STEAP3: variants seen among roughly 807,000 people sequenced by gnomAD.
The protein encoded by STEAP3 is metalloreductase STEAP3.
A neutral mutation model predicts 34.9 loss-of-function variants in STEAP3; 35 were observed. The observed-to-expected ratio is 1.00, with a 90% confidence interval of 0.76 to 1.33. The LOEUF (loss-of-function observed/expected upper bound fraction) is 1.33. Among genes scored for constraint, STEAP3 ranks in the 40% most tolerant of loss-of-function variants. The pLI, the probability that STEAP3 is intolerant of heterozygous loss-of-function variation, is 0.00. For synonymous variants in STEAP3, 281 were observed against 301.6 expected (o/e 0.93, Z 0.71); for missense variants, 652 against 667.6 (o/e 0.98, Z 0.26).
rs1676902625 is a variant in STEAP3 at position 119,230,770 on chromosome 2, G to A, written c.-243G>A. On this transcript the variant is annotated 5_prime_UTR_variant, in exon 2 of 6. It adds an upstream start codon to the 5' untranslated region. Transcript: ENST00000393110. ...AGCAGGCCAGAGCTGCGCTCTCTCAGTGCACTCTCCAACCAAGCATCAGTC... is the reference window on the plus strand; with the variant it reads ...AGCAGGCCAGAGCTGCGCTCTCTCAATGCACTCTCCAACCAAGCATCAGTC... 1.7e-6 allele frequency: 1 copy of A among 601,366 alleles called. No homozygotes were observed. Among genetic ancestry groups the A allele is most frequent in the Non-Finnish European group, 3.0e-6 (1 of 333,056 alleles). 37.3% of individuals were successfully genotyped at this position (601,366 alleles called of 1,614,324 possible).
At chr2:119,236,416 T>C (rs1677095535) in intron 2 of STEAP3, among the ~76,000 whole-genome samples, 1 of 152,176 alleles carries the variant, frequency 6.6e-6, no homozygotes, top group South Asian at 2.1e-4. Context: ...TCCATCCCTC[T>C]GCTGGGCCCT....
At position 119,263,273 on chromosome 2, in the gene STEAP3, G is replaced by A. The variant is rs755463675; in HGVS notation, c.1432G>A (p.Glu478Lys). The change falls in exon 6 of 6, where the codon GAG becomes AAG. Residue 478 changes from glutamate (E) to lysine (K), a missense_variant. Glu to Lys is a moderately conservative substitution (Grantham distance 56). Coordinates refer to ENST00000393110, the MANE Select transcript of STEAP3 (RefSeq NM_182915.3). ...LARIRRGWER[E>K]STIKFTLPTD... is the part of the protein sequence containing the mutation. ...CAGGATCCGGAGAGGCTGGGAGAGG[G>A]AGAGCACCATCAAGTTCACGCTGCC... The A allele has an allele frequency of 5.6e-6, 9 of 1,613,960 alleles. No individual in the cohort carries two copies. Among genetic ancestry groups the A allele is most frequent in the Non-Finnish European group, 7.6e-6 (9 of 1,180,034 alleles).
At position 119,254,843 on chromosome 2, in the gene STEAP3, G is replaced by A. The variant is rs140739840; in HGVS notation, c.1210G>A (p.Val404Ile). 2.4e-4 allele frequency: 380 copies of A among 1,613,896 alleles called. 3 individuals carry two copies. The highest frequency in any genetic ancestry group is 1.4e-3 in the South Asian group (130 of 91,004). Residue 404 changes from valine (V) to isoleucine (I), a missense_variant, in exon 5 of 6, where the codon GTT becomes ATT. Physicochemically the swap from Val to Ile is conservative, Grantham distance 29. Transcript: ENST00000393110. ...GCTCAACTGGAGGGAGTTCAGCTTC[G>A]TTCAGGTAAAGTAGTCTCTAGTCTG... Reference protein sequence around the residue: ...NSLNWREFSFVQSSLGFVALV... With the variant: ...NSLNWREFSFIQSSLGFVALV...
Position 119,254,411 on chromosome 2 carries a change from C to T in STEAP3, c.1051-273C>T, listed in dbSNP as rs536183513. On this transcript the variant is annotated intron_variant, in intron 4 of 5. Transcript: ENST00000393110. ...TGAGTGGGTCCTGATCCCAGCTCTG[C>T]ATCTGTTAGCTACATGTGACCTTGG... Among the ~76,000 whole-genome samples, 84 of 152,244 alleles carry T rather than the reference C, an allele frequency of 5.5e-4. 1 individual carries two copies. In the Middle Eastern group the frequency reaches 0.014, roughly 25 times the overall value.
intron 4 of STEAP3, 52 bp from the exon 5 acceptor site, chr2:119,254,632 G>A (rs762319366): frequency 3.2e-5 from 51 of 1,605,172 alleles, no homozygotes; most frequent in Non-Finnish European, 4.0e-5. Flanking sequence ...TTGCCCTCCC[G>A]GGGCACCAGC....
chr2:119,251,981 A>T (rs1677640661), intron 4 of STEAP3, among the ~76,000 whole-genome samples: 1 of 152,182 alleles, frequency 6.6e-6, no homozygotes, highest in Non-Finnish European at 1.5e-5. Flanking sequence ...TCAGAGGTCC[A>T]TGACTGGGTC....
At position 119,230,919 on chromosome 2, in the gene STEAP3, G is replaced by T; in HGVS notation, c.-94G>T. 2 of 1,558,956 alleles carry T rather than the reference G, an allele frequency of 1.3e-6. No individual in the cohort carries two copies. Among genetic ancestry groups the T allele is most frequent in the Non-Finnish European group, 1.8e-6 (2 of 1,130,246 alleles). On this transcript the variant is annotated 5_prime_UTR_variant, in exon 2 of 6. Coordinates refer to ENST00000393110, the MANE Select transcript of STEAP3 (RefSeq NM_182915.3). ...AACCGAGAGTCAGAACCAAAGCCAG[G>T]CTGTCCTGGTTGGAGACTGAGCCAG...
intron 5 of STEAP3, among the ~76,000 whole-genome samples, chr2:119,255,482 G>A (rs537675785): frequency 4.6e-5 from 7 of 152,298 alleles, no homozygotes; most frequent in African/African-American, 1.7e-4. Flanking sequence ...AGATCACAAT[G>A]CACTTTGGCA....
intron 2 of STEAP3, among the ~76,000 whole-genome samples, chr2:119,237,315 A>T (rs1175165908): frequency 6.6e-6 from 1 of 152,116 alleles, no homozygotes; most frequent in Non-Finnish European, 1.5e-5. Flanking sequence ...CCATTTCTTC[A>T]TGTGCACCAT....
Position 119,263,417 on chromosome 2 carries a change from T to C in STEAP3, c.*79T>C. On this transcript the variant is annotated 3_prime_UTR_variant, in exon 6 of 6. Coordinates refer to ENST00000393110, the MANE Select transcript of STEAP3 (RefSeq NM_182915.3). ...CCGTTAGGTTTTCTTTTCTTGGTGG[T>C]GCAAAGTGGTATAACTGTGTGCAAA... is the stretch of plus-strand genomic sequence containing the variant. The C allele has an allele frequency of 6.5e-7, 1 of 1,543,158 alleles. No individual in the cohort carries two copies. The highest frequency in any genetic ancestry group is 8.7e-7 in the Non-Finnish European group (1 of 1,145,724).
chr2:119,237,472 G>C (rs1274371869), intron 2 of STEAP3, among the ~76,000 whole-genome samples: 1 of 152,148 alleles, frequency 6.6e-6, no homozygotes, highest in Non-Finnish European at 1.5e-5. Context: ...CCTCCCCCCA[G>C]CCAGGGAGGG....
intron 4 of STEAP3, among the ~76,000 whole-genome samples, chr2:119,252,362 G>A (rs1005934146): frequency 1.3e-5 from 2 of 152,200 alleles, no homozygotes; most frequent in African/African-American, 4.8e-5. Context: ...ATGCCCCAAG[G>A]TTGCCCTTCC....
At chr2:119,229,342 C>T (rs1270650357) in intron 1 of STEAP3, among the ~76,000 whole-genome samples, 4 of 152,096 alleles carry the variant, frequency 2.6e-5, no homozygotes, top group East Asian at 1.9e-4. Context: ...AAGCAGAGAG[C>T]GATGTGAGGG....
chr2:119,264,805 C>CAT lies in STEAP3; in HGVS notation c.*1467_*1468insAT, dbSNP rs1553441845. ...ATGTCACAGATGAGGCTGCCCCTGCCCCCCCCCCGCCAGGGAGGTTTCATG... is the reference window on the plus strand; with the variant it reads ...ATGTCACAGATGAGGCTGCCCCTGCCATCCCCCCCCGCCAGGGAGGTTTCATG... On this transcript the variant is annotated 3_prime_UTR_variant, in exon 6 of 6. Coordinates refer to ENST00000393110, the MANE Select transcript of STEAP3 (RefSeq NM_182915.3). The CAT allele has an allele frequency of 8.9e-6, 1 of 112,464 alleles. No individual in the cohort carries two copies. Among genetic ancestry groups the CAT allele is most frequent in the Non-Finnish European group, 1.6e-5 (1 of 60,618 alleles). 7.0% of individuals were successfully genotyped at this position (112,464 alleles called of 1,614,324 possible).
intron 1 of STEAP3, among the ~76,000 whole-genome samples, chr2:119,227,411 C>T (rs1334133354): frequency 6.6e-6 from 1 of 152,194 alleles, no homozygotes; most frequent in African/African-American, 2.4e-5. Context: ...TGCTTCAGCA[C>T]CGTAAGAACA....
At chr2:119,255,438 G>C (rs1315413465) in intron 5 of STEAP3, among the ~76,000 whole-genome samples, 1 of 152,200 alleles carries the variant, frequency 6.6e-6, no homozygotes, top group Non-Finnish European at 1.5e-5. Context: ...TCTGTCATCA[G>C]ATGAATTTGA....
At chr2:119,257,853 C>G (rs78289366) in intron 5 of STEAP3, 35,967 of 522,164 alleles carry the variant, frequency 0.069, 1,351 homozygotes, top group Middle Eastern at 0.12. Flanking sequence ...GCTTTTGTTA[C>G]CGGAAAAGGG....
chr2:119,247,629 C>T, intron 3 of STEAP3, 50 bp from the exon 4 acceptor site: 1 of 1,490,220 alleles, frequency 6.7e-7, no homozygotes, highest in Non-Finnish European at 8.9e-7. Flanking sequence ...AGGCCCTGCC[C>T]ACTCCTGTGG....
intron 2 of STEAP3, among the ~76,000 whole-genome samples, chr2:119,243,716 T>C (rs936552941): frequency 6.6e-6 from 1 of 152,216 alleles, no homozygotes; most frequent in Admixed American, 6.5e-5. Context: ...AGAGCAGAGA[T>C]TGTGATCTCC....
Sources: gnomAD v4.1 joint callset for allele counts (sites outside exome capture counted in the v4.1 genomes callset) on GRCh38, gnomAD v4.1.1 for gene constraint, MANE v1.5 for transcripts, NCBI Gene and HGNC (gene_info 2026-07-23, HGNC 2026-07-21) for gene names.